The following NPAS3 variants were observed in gnomAD, a reference collection of about 807,000 sequenced individuals.
The protein encoded by NPAS3 is neuronal PAS domain-containing protein 3.
Under a neutral mutation model 73.1 loss-of-function variants are expected in NPAS3, and 14 were observed. The ratio of observed to expected loss-of-function variants is 0.19; its 90% CI spans 0.13 to 0.30. The LOEUF is 0.30. NPAS3 is among the 10% of genes least tolerant of loss of function. The probability of loss-of-function intolerance (pLI) is 1.00; values close to 1 mark genes in which losing one functional copy is unlikely to be tolerated. For missense variants in NPAS3, 1,096 were observed against 1,250.0 expected (o/e 0.88, Z 1.86); for synonymous variants, 620 against 541.5 (o/e 1.14, Z -2.01).
intron 9 of NPAS3, among the ~76,000 whole-genome samples, chr14:33,792,016 G>A (rs1387507689): frequency 2.0e-5 from 3 of 152,144 alleles, no homozygotes; most frequent in African/African-American, 4.8e-5. Flanking sequence ...ATAACCCATC[G>A]TTCCTCTGTT....
intron 5 of NPAS3, among the ~76,000 whole-genome samples, chr14:33,596,530 CTG>C (rs1314051654): frequency 6.6e-6 from 1 of 152,180 alleles, no homozygotes; most frequent in Non-Finnish European, 1.5e-5. Context: ...CCTCAAGGTG[CTG>C]GTTTGCAAGA....
At chr14:32,995,975 T>G (rs780323564) in intron 1 of NPAS3, among the ~76,000 whole-genome samples, 9 of 152,178 alleles carry the variant, frequency 5.9e-5, no homozygotes, top group Non-Finnish European at 1.2e-4. Context: ...CAGGAAAATG[T>G]GGGAAAGTTT....
chr14:33,769,826 G>A (rs928815944), intron 7 of NPAS3, among the ~76,000 whole-genome samples: 1 of 137,258 alleles, frequency 7.3e-6, no homozygotes, highest in Non-Finnish European at 1.5e-5. Context: ...GTGCAGTGGC[G>A]GAATCACGGC....
At chr14:33,535,295 A>G (rs1483158776) in intron 4 of NPAS3, among the ~76,000 whole-genome samples, 1 of 152,226 alleles carries the variant, frequency 6.6e-6, no homozygotes, top group Non-Finnish European at 1.5e-5. Context: ...GACTTTCTAA[A>G]TAGGCGCAAA....
At chr14:33,001,364 G>T (rs2038799834) in intron 1 of NPAS3, among the ~76,000 whole-genome samples, 1 of 152,168 alleles carries the variant, frequency 6.6e-6, no homozygotes, top group Non-Finnish European at 1.5e-5. Context: ...ATGTAGGTGG[G>T]TGCCTCTGAG....
In NPAS3 at chr14:33,729,581, C is replaced by T. The variant is rs60246995; in HGVS notation, c.734-5633C>T. On this transcript the variant is annotated intron_variant, in intron 6 of 11. Transcript: ENST00000356141. ...TCACCTAAAGCTGGATGATCCAGCT[C>T]TAAAATCACTGAAGTGACTGTTAGT... Among the ~76,000 whole-genome samples, 36 of 152,250 alleles carry T rather than the reference C, an allele frequency of 2.4e-4. 1 individual carries two copies. The East Asian group carries it at 6.9e-3, about 29-fold the overall frequency.
At chr14:33,675,590 C>G (rs1780893401) in intron 5 of NPAS3, among the ~76,000 whole-genome samples, 1 of 152,180 alleles carries the variant, frequency 6.6e-6, no homozygotes, top group Admixed American at 6.5e-5. Flanking sequence ...TGCTTCAGAC[C>G]CCAGCTGACC....
At chr14:33,629,746 A>AT (rs57339240) in intron 5 of NPAS3, among the ~76,000 whole-genome samples, 1,511 of 144,880 alleles carry the variant, frequency 0.01, 18 homozygotes, top group South Asian at 0.031. Context: ...TTGTTTTTCT[A>AT]TTTTTTTTTT....
Position 33,544,791 on chromosome 14 carries a change from T to TATATATATATATATATATATAC in NPAS3, c.469-15310_469-15309insACATATATATATATATATATAT, listed in dbSNP as rs1566989426. On this transcript the variant is annotated intron_variant, in intron 4 of 11. Transcript: ENST00000356141. Reference sequence around the variant, plus strand: ...TGTATGTGTTTATGTGTGTGTATTATATATATATATATATATATATGTATA... The same window carrying TATATATATATATATATATATAC: ...TGTATGTGTTTATGTGTGTGTATTATATATATATATATATATATATACATATATATATATATATATATGTATA... Among the ~76,000 whole-genome samples the TATATATATATATATATATATAC allele has an allele frequency of 7.2e-5, 6 of 83,340 alleles. 1 individual carries two copies. The highest frequency in any genetic ancestry group is 4.0e-4 in the African/African-American group (6 of 14,970). The allele number at this position is 83,340 out of a possible 152,430, so 54.7% of individuals were successfully genotyped here.
chr14:33,465,611 T>C (rs1432666655), intron 4 of NPAS3, among the ~76,000 whole-genome samples: 2 of 152,170 alleles, frequency 1.3e-5, no homozygotes, highest in Non-Finnish European at 2.9e-5. Context: ...GTGCAGAAAC[T>C]GAAGCCTAGA....
chr14:33,648,001 T>A (rs1474173612), intron 5 of NPAS3, among the ~76,000 whole-genome samples: 1 of 152,160 alleles, frequency 6.6e-6, no homozygotes, highest in Non-Finnish European at 1.5e-5. Context: ...CTGAACACCC[T>A]TCCTTGGTGA....
intron 4 of NPAS3, among the ~76,000 whole-genome samples, chr14:33,507,998 A>T (rs2052854948): frequency 6.6e-6 from 1 of 151,908 alleles, no homozygotes; most frequent in African/African-American, 2.4e-5. Flanking sequence ...GAGAGGCTCA[A>T]GTTGCTGCCA....
chr14:33,646,302 C>T (rs2058827440), intron 5 of NPAS3, among the ~76,000 whole-genome samples: 1 of 152,076 alleles, frequency 6.6e-6, no homozygotes, highest in Non-Finnish European at 1.5e-5. Context: ...AGGGGAAATG[C>T]CATCTATAAG....
chr14:33,178,368 C>T (rs1356139296), intron 2 of NPAS3, among the ~76,000 whole-genome samples: 9 of 152,080 alleles, frequency 5.9e-5, no homozygotes, highest in Admixed American at 1.3e-4. Flanking sequence ...CCACCGCACC[C>T]GGCCGAAGTG....
chr14:33,184,966 C>T lies in NPAS3; in HGVS notation c.141-30216C>T, dbSNP rs539460593. ...TTTTTTTAAATCATGTCTTATTCAT[C>T]CTCAAATGTCTTGTGACTGTTATCC... is the stretch of plus-strand genomic sequence containing the variant. On this transcript the variant is annotated intron_variant, in intron 2 of 11. Coordinates refer to ENST00000356141, the Ensembl canonical transcript of NPAS3. 3.3e-5 allele frequency among the ~76,000 whole-genome samples: 5 copies of T among 152,200 alleles called. No individual in the cohort carries two copies. The South Asian group carries it at 1.0e-3, about 32-fold the overall frequency.
intron 1 of NPAS3, among the ~76,000 whole-genome samples, chr14:32,989,956 T>C (rs2038264442): frequency 6.6e-6 from 1 of 151,062 alleles, no homozygotes. Context: ...GGGGTGGACT[T>C]GATAAATTAT....
intron 3 of NPAS3, among the ~76,000 whole-genome samples, chr14:33,351,858 G>C (rs1278557092): frequency 6.6e-6 from 1 of 152,166 alleles, no homozygotes; most frequent in African/African-American, 2.4e-5. Flanking sequence ...GAGAACACAT[G>C]GACCCAGGGA....
At chr14:33,149,443 A>G (rs2044366720) in intron 2 of NPAS3, among the ~76,000 whole-genome samples, 1 of 152,220 alleles carries the variant, frequency 6.6e-6, no homozygotes, top group South Asian at 2.1e-4. Context: ...TTAAATGCCT[A>G]CAGCCATAAA....
intron 6 of NPAS3, among the ~76,000 whole-genome samples, chr14:33,727,122 C>T (rs528084954): frequency 6.6e-6 from 1 of 152,266 alleles, no homozygotes; most frequent in African/African-American, 2.4e-5. Context: ...TGGGCAACAT[C>T]TGTGCCTGAG....
Sources: gnomAD v4.1 joint callset for allele counts (sites outside exome capture counted in the v4.1 genomes callset) on GRCh38, gnomAD v4.1.1 for gene constraint, MANE v1.5 for transcripts, NCBI Gene and HGNC (gene_info 2026-07-23, HGNC 2026-07-21) for gene names.